Variants in CENPC observed in about 807,000 individuals in gnomAD.
The protein encoded by CENPC is centromere protein C.
A neutral mutation model predicts 112.1 loss-of-function variants in CENPC; 63 were observed. The ratio of observed to expected loss-of-function variants is 0.56; its 90% CI spans 0.46 to 0.69. The LOEUF (loss-of-function observed/expected upper bound fraction) is 0.69. CENPC is among the 30% of genes least tolerant of loss of function. CENPC has a pLI of 0.00. For missense variants in CENPC, 1,000 were observed against 1,103.8 expected, an observed-to-expected ratio of 0.91 and a Z score of 1.33; for synonymous variants, 333 against 367.6, an observed-to-expected ratio of 0.91 and a Z score of 1.08.
Position 67,531,263 on chromosome 4 carries a change from T to G in CENPC, c.232-349A>C, listed in dbSNP as rs151253708. 7.4e-4 allele frequency among the ~76,000 whole-genome samples: 113 copies of G among 152,186 alleles called. 1 individual carries two copies. The highest frequency in any genetic ancestry group is 2.5e-3 in the African/African-American group (105 of 41,532). On this transcript the variant is annotated intron_variant, in intron 4 of 18. Coordinates refer to ENST00000273853, the MANE Select transcript of CENPC (RefSeq NM_001812.4). Reference sequence around the variant, plus strand: ...ATGGAACAAATAAACTACAATAATATAAATTATTATTTTAACCAGAAAAAA... The same window carrying G: ...ATGGAACAAATAAACTACAATAATAGAAATTATTATTTTAACCAGAAAAAA...
rs895611782 is a variant in CENPC at position 67,538,598 on chromosome 4, T to C, written c.231+1242A>G. 2.0e-5 allele frequency among the ~76,000 whole-genome samples: 3 copies of C among 152,154 alleles called. No homozygotes were observed. In the East Asian group the frequency reaches 5.8e-4, roughly 29 times the overall value. On this transcript the variant is annotated intron_variant, in intron 4 of 18. Transcript: ENST00000273853. The stretch of plus-strand genomic sequence containing the variant: ...TTCAGGAAGACCAAAGTGGTTAGAA[T>C]TTGCAGGATAAAGTACTGGACAGGA...
chr4:67,505,380 A>T (rs1725705932), intron 11 of CENPC, 96 bp from the exon 12 acceptor site: 7 of 717,426 alleles, frequency 9.8e-6, no homozygotes. Flanking sequence ...AAACTGCCAT[A>T]AGTCTTTCTT....
At chr4:67,513,246 T>A (rs1241201834) in intron 8 of CENPC, among the ~76,000 whole-genome samples, 1 of 140,092 alleles carries the variant, frequency 7.1e-6, no homozygotes, top group East Asian at 2.2e-4. Context: ...TTTATCCCAG[T>A]GAGACATCTG....
At chr4:67,478,668 C>CA (rs1219372380) in intron 17 of CENPC, among the ~76,000 whole-genome samples, 14 of 124,754 alleles carry the variant, frequency 1.1e-4, no homozygotes, top group African/African-American at 4.0e-4. Flanking sequence ...ACACACACAC[C>CA]CAAAGTATTC....
At chr4:67,511,631 T>C (rs1725894266) in intron 9 of CENPC, among the ~76,000 whole-genome samples, 1 of 152,156 alleles carries the variant, frequency 6.6e-6, no homozygotes, top group African/African-American at 2.4e-5. Flanking sequence ...GCAAAAAATA[T>C]GGTTTAGGCA....
chr4:67,490,852 ATATATATATATATATATATAT>A (rs1725232434), intron 16 of CENPC, among the ~76,000 whole-genome samples: 1 of 20,008 alleles, frequency 5.0e-5, no homozygotes, highest in African/African-American at 1.1e-4. Flanking sequence ...ATATATATAT[ATATATATATATATATATATAT>A]ATATAGAAAT....
intron 17 of CENPC, among the ~76,000 whole-genome samples, chr4:67,481,018 AATG>A (rs1207478033): frequency 6.6e-6 from 1 of 152,176 alleles, no homozygotes; most frequent in Non-Finnish European, 1.5e-5. Flanking sequence ...GCTGTTTGCC[AATG>A]ATATGATCAT....
chr4:67,543,327 ATATAC>A (rs1726940042), intron 2 of CENPC, among the ~76,000 whole-genome samples: 1 of 152,156 alleles, frequency 6.6e-6, no homozygotes, highest in Non-Finnish European at 1.5e-5. Flanking sequence ...TATGTCTGGA[ATATAC>A]TTTATCTTAG....
chr4:67,545,284 C>G (rs1726998770), intron 1 of CENPC, 54 bp downstream of exon 1: 3 of 1,450,390 alleles, frequency 2.1e-6, no homozygotes, highest in East Asian at 2.8e-5. Flanking sequence ...CTCGGGCGCC[C>G]GTGCCCCAGC....
At chr4:67,485,320 A>G (rs1725065893) in intron 17 of CENPC, among the ~76,000 whole-genome samples, 2 of 152,172 alleles carry the variant, frequency 1.3e-5, no homozygotes, top group African/African-American at 2.4e-5. Flanking sequence ...AACATGCCAA[A>G]TTTCATACTT....
chr4:67,511,174 C>A, intron 9 of CENPC: 1 of 406,868 alleles, frequency 2.5e-6, no homozygotes. Context: ...CTAAACAAAG[C>A]AATCTACTCA....
intron 18 of CENPC, among the ~76,000 whole-genome samples, chr4:67,473,427 C>A (rs1216076833): frequency 1.3e-5 from 2 of 152,166 alleles, no homozygotes; most frequent in Non-Finnish European, 2.9e-5. Context: ...AAGGATTATG[C>A]AAGTATGGCT....
intron 17 of CENPC, among the ~76,000 whole-genome samples, chr4:67,486,233 T>C (rs1387068453): frequency 6.6e-6 from 1 of 152,190 alleles, no homozygotes; most frequent in African/African-American, 2.4e-5. Context: ...GAATACTTAA[T>C]GCTAACCACC....
At position 67,474,703 on chromosome 4, in the gene CENPC, C is replaced by CA. The variant is rs372713883; in HGVS notation, c.2761+184dup. Reference sequence around the variant, plus strand: ...ACAGAGCAAGACTCTGTCTCAAAAACAAAAAAAAACCACCACAAAATGCTA... The same window carrying CA: ...ACAGAGCAAGACTCTGTCTCAAAAACAAAAAAAAAACCACCACAAAATGCTA... On this transcript the variant is annotated intron_variant, in intron 18 of 18. Transcript: ENST00000273853. 5.6e-3 allele frequency: 2,914 copies of CA among 524,028 alleles called. 4 individuals are homozygous for CA. Among genetic ancestry groups the CA allele is most frequent in the Admixed American group, 7.8e-3 (201 of 25,634 alleles). The allele number at this position is 524,028 out of a possible 1,614,324, so 32.5% of individuals were successfully genotyped here. A position where few individuals can be genotyped will look rare whatever the true frequency, so the allele number is the denominator to read the frequency against.
intron 17 of CENPC, among the ~76,000 whole-genome samples, chr4:67,483,057 C>A (rs540335255): frequency 2.0e-5 from 3 of 152,266 alleles, no homozygotes; most frequent in South Asian, 4.2e-4. Context: ...CTTGGCAATT[C>A]TCCTTGCTGC....
At chr4:67,481,033 T>C (rs936692484) in intron 17 of CENPC, among the ~76,000 whole-genome samples, 3 of 152,170 alleles carry the variant, frequency 2.0e-5, no homozygotes, top group Admixed American at 2.0e-4. Flanking sequence ...TATGATCATA[T>C]AGCTAGAAAA....
At position 67,470,090 on chromosome 4, in the gene CENPC, AGCC is replaced by A. The variant is rs1189377514; in HGVS notation, c.*2512_*2514del. 20 of 152,364 alleles carry A rather than the reference AGCC, an allele frequency of 1.3e-4. No homozygotes were observed. Among genetic ancestry groups the A allele is most frequent in the African/African-American group, 4.6e-4 (19 of 41,600 alleles). The allele number at this position is 152,364 out of a possible 1,614,324, so 9.4% of individuals were successfully genotyped here. A position where few individuals can be genotyped will look rare whatever the true frequency, so the allele number is the denominator to read the frequency against. ...TTGTGACTACTGTATCAGCCATTAT[AGCC>A]CTAGAAGTTGGCTGAACAGTTGGCT... On this transcript the variant is annotated 3_prime_UTR_variant, in exon 19 of 19. Coordinates refer to ENST00000273853, the MANE Select transcript of CENPC (RefSeq NM_001812.4).
intron 12 of CENPC, among the ~76,000 whole-genome samples, chr4:67,496,927 T>G (rs1027263785): frequency 8.9e-6 from 1 of 112,364 alleles, no homozygotes; most frequent in South Asian, 3.3e-4. Flanking sequence ...TCCTATGCAG[T>G]CTCCCCTAGA....
At chr4:67,540,531 G>A (rs544515690) in intron 3 of CENPC, among the ~76,000 whole-genome samples, 27 of 152,230 alleles carry the variant, frequency 1.8e-4, no homozygotes, top group Middle Eastern at 3.4e-3. Context: ...TTAGCCAGGC[G>A]TGGTGGCACA....
Sources: allele counts gnomAD v4.1 joint callset (sites outside exome capture counted in the v4.1 genomes callset), GRCh38; gene constraint gnomAD v4.1.1; transcripts MANE v1.5; gene names NCBI Gene and HGNC (gene_info 2026-07-23, HGNC 2026-07-21).